The following NTSR1 variants were observed in gnomAD, a reference collection of about 807,000 sequenced individuals.
The protein encoded by NTSR1 is neurotensin receptor type 1.
A neutral mutation model predicts 31.2 loss-of-function variants in NTSR1; 29 were observed. The observed-to-expected ratio is 0.93, with a 90% CI of 0.69 to 1.27. The LOEUF (loss-of-function observed/expected upper bound fraction) is 1.27, where lower values mean the gene tolerates loss of function less well. NTSR1 is among the 50% of genes most tolerant of loss of function. The pLI is 0.00. For synonymous variants in NTSR1, 282 were observed against 269.9 expected (o/e 1.04, Z -0.44); for missense variants, 697 against 595.4 (o/e 1.17, Z -1.78).
chr20:62,720,871 A>G (rs1016842528), intron 1 of NTSR1, among the ~76,000 whole-genome samples: 1 of 152,168 alleles, frequency 6.6e-6, no homozygotes, highest in African/African-American at 2.4e-5. Flanking sequence ...TTATATCTTG[A>G]GATTCCCTCT....
At chr20:62,734,007 G>A (rs753303304) in intron 1 of NTSR1, among the ~76,000 whole-genome samples, 3 of 152,186 alleles carry the variant, frequency 2.0e-5, no homozygotes, top group East Asian at 1.9e-4. Context: ...AGGGGGTTTC[G>A]TTTCACAGAT....
chr20:62,747,124 G>C (rs1989313585), intron 1 of NTSR1, among the ~76,000 whole-genome samples: 1 of 152,262 alleles, frequency 6.6e-6, no homozygotes, highest in Admixed American at 6.5e-5. Flanking sequence ...CACATGAACA[G>C]AAGGAAGGAC....
chr20:62,718,397 C>T (rs1000626950), intron 1 of NTSR1, among the ~76,000 whole-genome samples: 4 of 152,220 alleles, frequency 2.6e-5, no homozygotes, highest in Middle Eastern at 6.8e-3. Context: ...ACGTGCTTTT[C>T]GTTGTTCCTA....
chr20:62,732,280 G>A lies in NTSR1; in HGVS notation c.714+22359G>A, dbSNP rs138605053. On this transcript the variant is annotated intron_variant, in intron 1 of 3. Coordinates refer to ENST00000370501, the MANE Select transcript of NTSR1 (RefSeq NM_002531.3). This position sits in a 1 kb window ranked among gnomAD's most constrained non-coding sequence, Gnocchi z 4.0. Reference sequence around the variant, plus strand: ...CCTATCTTAGGAAGAAAAGCTTCAGGTTTGTCACCATTGAGTATGACATGG... The same window carrying A: ...CCTATCTTAGGAAGAAAAGCTTCAGATTTGTCACCATTGAGTATGACATGG... Among the ~76,000 whole-genome samples, 55 of 152,280 alleles carry A rather than the reference G, an allele frequency of 3.6e-4. No individual in the cohort carries two copies. The highest frequency in any genetic ancestry group is 1.3e-3 in the African/African-American group (52 of 41,548).
At chr20:62,723,575 C>T (rs1204292059) in intron 1 of NTSR1, among the ~76,000 whole-genome samples, 2 of 152,198 alleles carry the variant, frequency 1.3e-5, no homozygotes, top group Non-Finnish European at 2.9e-5. Context: ...GCCATTCCAT[C>T]TGGGCTGACC....
At chr20:62,730,233 A>G (rs1325162430) in intron 1 of NTSR1, among the ~76,000 whole-genome samples, 1 of 152,144 alleles carries the variant, frequency 6.6e-6, no homozygotes, top group Non-Finnish European at 1.5e-5. Context: ...GCCCGAAAAA[A>G]TCCTTGGAGC....
chr20:62,722,969 A>G (rs1258489166), intron 1 of NTSR1, among the ~76,000 whole-genome samples: 1 of 152,252 alleles, frequency 6.6e-6, no homozygotes, highest in Admixed American at 6.5e-5. Context: ...AGAGTTATCC[A>G]AGAAACATGA....
rs935925257 is a variant in NTSR1 at position 62,762,611 on chromosome 20, A to G, written c.*2344A>G. 1.3e-5 allele frequency: 2 copies of G among 152,118 alleles called. No homozygotes were observed. The highest frequency in any genetic ancestry group is 2.9e-5 in the Non-Finnish European group (2 of 68,018). The allele number at this position is 152,118 out of a possible 1,614,324, so 9.4% of individuals were successfully genotyped here. A position where few individuals can be genotyped will look rare whatever the true frequency, so the allele number is the denominator to read the frequency against. ...GCCCCGGAAGCTGGCCCTGCGTGCC[A>G]TGAGTGCGTCGGTCATGGAGTCCGG... On this transcript the variant is annotated 3_prime_UTR_variant, in exon 4 of 4. Coordinates refer to ENST00000370501, the MANE Select transcript of NTSR1 (RefSeq NM_002531.3).
chr20:62,712,904 A>C (rs1246113056), intron 1 of NTSR1, among the ~76,000 whole-genome samples: 13 of 152,210 alleles, frequency 8.5e-5, no homozygotes, highest in Admixed American at 8.5e-4. Context: ...ATGGTGGGTC[A>C]TCAGAGTCCC....
chr20:62,749,081 A>G (rs988652107), intron 1 of NTSR1, among the ~76,000 whole-genome samples: 4 of 152,220 alleles, frequency 2.6e-5, no homozygotes, highest in Non-Finnish European at 2.9e-5. Context: ...AAGGGCACCA[A>G]TACACAATGG....
In NTSR1 at chr20:62,761,817, G is replaced by T. The variant is rs1294672203; in HGVS notation, c.*1550G>T. On this transcript the variant is annotated 3_prime_UTR_variant, in exon 4 of 4. Transcript: ENST00000370501. ...TTGGATCTGGCTGTTGAGTTGACGG[G>T]TTCCTTGAACCCCACAAAATCCCTC... 2 of 152,228 alleles carry T rather than the reference G, an allele frequency of 1.3e-5. No individual in the cohort carries two copies. Among genetic ancestry groups the T allele is most frequent in the Non-Finnish European group, 1.5e-5 (1 of 68,064 alleles). 9.4% of individuals were successfully genotyped at this position (152,228 alleles called of 1,614,324 possible).
At chr20:62,734,327 C>G (rs1989050128) in intron 1 of NTSR1, among the ~76,000 whole-genome samples, 1 of 151,834 alleles carries the variant, frequency 6.6e-6, no homozygotes, top group African/African-American at 2.4e-5. Flanking sequence ...CTTGGCTCAG[C>G]TCTTGGGCTT....
intron 1 of NTSR1, among the ~76,000 whole-genome samples, chr20:62,740,651 C>T (rs375484731): frequency 3.3e-5 from 5 of 152,336 alleles, no homozygotes; most frequent in South Asian, 2.1e-4. Flanking sequence ...AACAGGAGTG[C>T]GAGGCCCTAC....
chr20:62,717,979 C>G (rs1259822924), intron 1 of NTSR1, among the ~76,000 whole-genome samples: 3 of 152,054 alleles, frequency 2.0e-5, no homozygotes, highest in Admixed American at 1.3e-4. Flanking sequence ...CTCGTGCAGA[C>G]CCTGCAGGAG....
intron 1 of NTSR1, among the ~76,000 whole-genome samples, chr20:62,719,451 TCGG>T (rs1988792712): frequency 6.6e-6 from 1 of 150,422 alleles, no homozygotes; most frequent in African/African-American, 2.5e-5. Flanking sequence ...ACCCTCCCTC[TCGG>T]TACATCGTCA....
At chr20:62,717,287 T>C (rs916701930) in intron 1 of NTSR1, among the ~76,000 whole-genome samples, 2 of 152,224 alleles carry the variant, frequency 1.3e-5, no homozygotes, top group Admixed American at 1.3e-4. Context: ...TACATCCCTG[T>C]GCACCTGTGG....
chr20:62,709,101 C>A lies in NTSR1; in HGVS notation c.-107C>A. 1.1e-6 allele frequency: 1 copy of A among 932,088 alleles called. No individual in the cohort carries two copies. The highest frequency in any genetic ancestry group is 1.5e-6 in the Non-Finnish European group (1 of 683,214). 57.7% of individuals were successfully genotyped at this position (932,088 alleles called of 1,614,324 possible). On this transcript the variant is annotated 5_prime_UTR_variant, in exon 1 of 4. Transcript: ENST00000370501. ...GCGCCCGCTGGTCTTCGCCACGCGC[C>A]CTCCCCTGGGCTCCCGTTCATCGGT... is the stretch of plus-strand genomic sequence containing the variant.
rs1988623199 is a variant in NTSR1, at chr20:62,711,895, A to C, written c.714+1974A>C. Among the ~76,000 whole-genome samples the C allele has an allele frequency of 6.6e-6, 1 of 152,204 alleles. No homozygotes were observed. The highest frequency in any genetic ancestry group is 2.4e-5 in the African/African-American group (1 of 41,466). On this transcript the variant is annotated intron_variant, in intron 1 of 3. Transcript: ENST00000370501. This position sits in a 1 kb window ranked among gnomAD's most constrained non-coding sequence, Gnocchi z 6.4. ...CGGCCACAGGCACTCGTCCAATCGC[A>C]GAGGCCTGTGACGTATCAACCGTAG...
chr20:62,744,420 C>T lies in NTSR1; in HGVS notation c.715-10265C>T, dbSNP rs191991614. Among the ~76,000 whole-genome samples, 293 of 152,034 alleles carry T rather than the reference C, an allele frequency of 1.9e-3. No individual in the cohort carries two copies. The Middle Eastern group carries it at 0.024, about 12-fold the overall frequency. On this transcript the variant is annotated intron_variant, in intron 1 of 3. Coordinates refer to ENST00000370501, the MANE Select transcript of NTSR1 (RefSeq NM_002531.3). The surrounding 1 kb of genome is among the most constrained non-coding windows in gnomAD (Gnocchi z 4.1). The stretch of plus-strand genomic sequence containing the variant: ...ATACAAAAAAATTAGCCAGGCATGG[C>T]GGCGTGCACCTGTAGTCCCAGCTAC...
Sources: allele counts gnomAD v4.1 joint callset (sites outside exome capture counted in the v4.1 genomes callset), GRCh38; gene constraint gnomAD v4.1.1; non-coding constraint Gnocchi (gnomAD v3.1); transcripts MANE v1.5; gene names NCBI Gene and HGNC (gene_info 2026-07-23, HGNC 2026-07-21).